The following GLDC variants were observed in gnomAD, a reference collection of about 807,000 sequenced individuals.
GLDC encodes glycine decarboxylase.
In GLDC, 104 loss-of-function variants were observed where a neutral mutation model predicts 121.3. The ratio of observed to expected loss-of-function variants is 0.86; its 90% CI spans 0.73 to 1.01. The LOEUF is 1.01. Among genes scored for constraint, GLDC ranks in the 50% least tolerant of loss-of-function variants. The pLI is 0.00. For synonymous variants in GLDC, 546 were observed against 480.6 expected, an observed-to-expected ratio of 1.14 and a Z score of -1.78; for missense variants, 1,429 against 1,306.6, an observed-to-expected ratio of 1.09 and a Z score of -1.44.
chr9:6,553,085 C>A (rs745828867), intron 20 of GLDC, among the ~76,000 whole-genome samples: 4 of 152,126 alleles, frequency 2.6e-5, no homozygotes, highest in African/African-American at 4.8e-5. Context: ...ACTCATGGAA[C>A]TTAGCTGTGT....
chr9:6,629,962 T>TG (rs1819341438), intron 2 of GLDC, among the ~76,000 whole-genome samples: 1 of 135,538 alleles, frequency 7.4e-6, no homozygotes, highest in African/African-American at 3.0e-5. Context: ...TATATATTTT[T>TG]TTTTTTTAAG....
intron 16 of GLDC, among the ~76,000 whole-genome samples, chr9:6,561,491 A>T (rs1817758936): frequency 6.6e-6 from 1 of 152,146 alleles, no homozygotes; most frequent in African/African-American, 2.4e-5. Context: ...TCTAATAAAA[A>T]TACAAAAAAT....
chr9:6,609,712 C>T (rs558494884), intron 4 of GLDC, among the ~76,000 whole-genome samples: 1 of 151,850 alleles, frequency 6.6e-6, no homozygotes, highest in Non-Finnish European at 1.5e-5. Context: ...AAGCTAGGTG[C>T]CGAGTCAGCT....
chr9:6,610,776 T>A (rs1464832594), intron 3 of GLDC, among the ~76,000 whole-genome samples: 5 of 152,136 alleles, frequency 3.3e-5, no homozygotes, highest in African/African-American at 1.2e-4. Context: ...ATTTTTGTAT[T>A]CTTTGTACAG....
intron 11 of GLDC, among the ~76,000 whole-genome samples, chr9:6,590,100 T>C (rs1818348322): frequency 6.6e-6 from 1 of 151,666 alleles, no homozygotes; most frequent in African/African-American, 2.4e-5. Flanking sequence ...TAACCTTGGA[T>C]CTGGCAATGG....
intron 21 of GLDC, chr9:6,541,170 G>C (rs779710090): frequency 1.3e-5 from 2 of 152,156 alleles, no homozygotes; most frequent in Admixed American, 6.5e-5. Context: ...TCATAAACAG[G>C]CTTCTTCTCT....
At chr9:6,622,147 C>A (rs1259581679) in intron 2 of GLDC, among the ~76,000 whole-genome samples, 1 of 117,620 alleles carries the variant, frequency 8.5e-6, no homozygotes, top group Non-Finnish European at 1.7e-5. Context: ...CACCCTCCAC[C>A]ACACACACAC....
intron 15 of GLDC, among the ~76,000 whole-genome samples, chr9:6,576,306 C>T (rs1212584947): frequency 6.6e-6 from 1 of 152,166 alleles, no homozygotes; most frequent in Non-Finnish European, 1.5e-5. Flanking sequence ...TGTGGTCTTG[C>T]TGTGTCCTCA....
intron 15 of GLDC, 82 bp from the exon 16 acceptor site, chr9:6,565,511 A>C (rs1817838930): frequency 1.9e-6 from 2 of 1,047,888 alleles, no homozygotes; most frequent in Non-Finnish European, 3.0e-6. Context: ...GGCCCTGGCC[A>C]GGGGTTCACC....
chr9:6,556,551 G>A (rs1587925188), intron 17 of GLDC, among the ~76,000 whole-genome samples: 1 of 152,174 alleles, frequency 6.6e-6, no homozygotes, highest in East Asian at 1.9e-4. Flanking sequence ...CCGGCACTCT[G>A]GGAGGCCGAG....
At chr9:6,535,459 C>A (rs1413809681) in intron 23 of GLDC, among the ~76,000 whole-genome samples, 1 of 151,730 alleles carries the variant, frequency 6.6e-6, no homozygotes, top group African/African-American at 2.4e-5. Context: ...TGGAAACCTG[C>A]CCCAGCTGCT....
intron 8 of GLDC, among the ~76,000 whole-genome samples, chr9:6,598,835 C>A (rs1033119031): frequency 1.3e-5 from 2 of 152,130 alleles, no homozygotes; most frequent in African/African-American, 4.8e-5. Flanking sequence ...ACCTTTCAAC[C>A]CAAGTTAAAT....
Position 6,643,143 on chromosome 9 carries a change from C to A in GLDC, c.334+1471G>T, listed in dbSNP as rs192734333. The stretch of plus-strand genomic sequence containing the variant: ...AAACTGCTGGCCTCAAGCGATCCAC[C>A]TGCCTAGACCTCCCAAAATGCTGAG... On this transcript the variant is annotated intron_variant, in intron 2 of 24. Coordinates refer to ENST00000321612, the MANE Select transcript of GLDC (RefSeq NM_000170.3). Among the ~76,000 whole-genome samples, 72 of 152,238 alleles carry A rather than the reference C, an allele frequency of 4.7e-4. 2 individuals carry two copies. In the East Asian group the frequency reaches 0.013, roughly 28 times the overall value.
chr9:6,534,634 A>G (rs900620514), intron 24 of GLDC, 74 bp downstream of exon 24: 4 of 781,726 alleles, frequency 5.1e-6, no homozygotes, highest in Non-Finnish European at 9.2e-6. Context: ...TCATGAGGCT[A>G]AGAGCGTACA....
chr9:6,619,145 G>GAAAAAAAAAA (rs1563864174), intron 3 of GLDC, among the ~76,000 whole-genome samples: 24 of 30,196 alleles, frequency 7.9e-4, no homozygotes, highest in African/African-American at 3.7e-3. Flanking sequence ...TCTGTCTCAG[G>GAAAAAAAAAA]CAAAAAAAAA....
At chr9:6,537,443 A>G (rs964506019) in intron 22 of GLDC, among the ~76,000 whole-genome samples, 1 of 152,220 alleles carries the variant, frequency 6.6e-6, no homozygotes, top group Non-Finnish European at 1.5e-5. Context: ...ACTTTAAAGT[A>G]ACATCTGCAT....
chr9:6,643,786 C>G (rs141549962), intron 2 of GLDC, among the ~76,000 whole-genome samples: 2,396 of 152,042 alleles, frequency 0.016, 69 homozygotes, highest in African/African-American at 0.055. Context: ...GTAATCCCAG[C>G]ATTTTGGGAG....
chr9:6,584,165 A>C (rs78261982), intron 15 of GLDC, among the ~76,000 whole-genome samples: 13 of 152,382 alleles, frequency 8.5e-5, no homozygotes, highest in Admixed American at 2.6e-4. Flanking sequence ...TTCAGATTCA[A>C]AACTTTTTGT....
At chr9:6,594,799 A>C (rs993540653) in intron 9 of GLDC, among the ~76,000 whole-genome samples, 1 of 128,276 alleles carries the variant, frequency 7.8e-6, no homozygotes, top group Non-Finnish European at 1.8e-5. Context: ...AAGAAAAAGG[A>C]AATAAAAGAA....
Sources: allele counts gnomAD v4.1 joint callset (sites outside exome capture counted in the v4.1 genomes callset), GRCh38; gene constraint gnomAD v4.1.1; transcripts MANE v1.5; gene names NCBI Gene and HGNC (gene_info 2026-07-23, HGNC 2026-07-21).